The following RBBP8 variants were observed in gnomAD, a reference collection of about 807,000 sequenced individuals.
RBBP8 encodes the protein RB binding protein 8, endonuclease, also known as DNA endonuclease RBBP8.
A neutral mutation model predicts 108.3 loss-of-function variants in RBBP8; 88 were observed. That is an observed-to-expected ratio of 0.81 (90% CI 0.68 to 0.97). The LOEUF is 0.97. Among genes scored for constraint, RBBP8 ranks in the 50% least tolerant of loss-of-function variants. The probability of loss-of-function intolerance (pLI) is 0.00; values close to 1 mark genes in which losing one functional copy is unlikely to be tolerated. For synonymous variants in RBBP8, 332 were observed against 348.2 expected (o/e 0.95, Z 0.52); for missense variants, 1,023 against 1,049.0 (o/e 0.98, Z 0.34).
intron 8 of RBBP8, chr18:22,985,209 A>T (rs1399040144): frequency 4.2e-6 from 1 of 236,808 alleles, no homozygotes; most frequent in Non-Finnish European, 6.9e-6. Flanking sequence ...AATTTTAAGT[A>T]AAGAAGGCTT....
At chr18:22,945,393 A>G (rs1911464037) in intron 2 of RBBP8, among the ~76,000 whole-genome samples, 2 of 151,610 alleles carry the variant, frequency 1.3e-5, no homozygotes, top group African/African-American at 2.4e-5. Flanking sequence ...ATTTTATTTT[A>G]TTTTATTTTT....
At chr18:23,000,985 T>G (rs2045937290) in intron 14 of RBBP8, among the ~76,000 whole-genome samples, 1 of 152,234 alleles carries the variant, frequency 6.6e-6, no homozygotes, top group Non-Finnish European at 1.5e-5. Context: ...GCAACTAATA[T>G]TCTTAGAATC....
intron 4 of RBBP8, among the ~76,000 whole-genome samples, chr18:22,959,667 C>T (rs921444689): frequency 3.3e-5 from 5 of 151,752 alleles, no homozygotes; most frequent in African/African-American, 1.2e-4. Flanking sequence ...TTGACAATCA[C>T]GTACGTAATA....
In RBBP8 at chr18:22,982,215, T is replaced by C. The variant is rs1424837996; in HGVS notation, c.429-3T>C. 6.2e-7 allele frequency: 1 copy of C among 1,612,356 alleles called. No homozygotes were observed. Among genetic ancestry groups the C allele is most frequent in the Non-Finnish European group, 8.5e-7 (1 of 1,178,454 alleles). ...TTTTCTTTCCATTGTCATTCTTCTCTAGGAATGATCAACAGCATCAAGCAG... is the reference window on the plus strand; with the variant it reads ...TTTTCTTTCCATTGTCATTCTTCTCCAGGAATGATCAACAGCATCAAGCAG... On this transcript the variant is annotated splice_polypyrimidine_tract_variant and splice_region_variant and intron_variant, in intron 6 of 18. Transcript: ENST00000327155.
intron 17 of RBBP8, among the ~76,000 whole-genome samples, chr18:23,017,129 C>T (rs2046269996): frequency 6.6e-6 from 1 of 152,036 alleles, no homozygotes; most frequent in Non-Finnish European, 1.5e-5. Flanking sequence ...CCAAGGAGGG[C>T]GGATCACTTG....
intron 2 of RBBP8, among the ~76,000 whole-genome samples, chr18:22,916,556 G>A (rs1909366144): frequency 6.6e-6 from 1 of 151,834 alleles, no homozygotes; most frequent in African/African-American, 2.4e-5. Context: ...AAATTATGTT[G>A]TATAGTGTGT....
In RBBP8 at chr18:22,975,232, C is replaced by T. The variant is rs779041712; in HGVS notation, c.428+13C>T. On this transcript the variant is annotated intron_variant, in intron 6 of 18. Coordinates refer to ENST00000327155, the MANE Select transcript of RBBP8 (RefSeq NM_002894.3). ...AGCAGAAAATTGAGTAAGTATTTTC[C>T]TCCAACCTTGTTATTTTATTTTATT... 3 of 1,611,872 alleles carry T rather than the reference C, an allele frequency of 1.9e-6. No individual in the cohort carries two copies. Among genetic ancestry groups the T allele is most frequent in the South Asian group, 1.1e-5 (1 of 90,800 alleles).
chr18:22,950,601 T>C lies in RBBP8; in HGVS notation c.248+888T>C, dbSNP rs1911953212. 4.7e-5 allele frequency among the ~76,000 whole-genome samples: 7 copies of C among 149,558 alleles called. No individual in the cohort carries two copies. In the South Asian group the frequency reaches 1.5e-3, roughly 32 times the overall value. On this transcript the variant is annotated intron_variant, in intron 4 of 18. Transcript: ENST00000327155. Reference sequence around the variant, plus strand: ...AAAAAAAAAAAATACAAACCCACGATATCCCATACTTTCTTTATAGTTTTT... The same window carrying C: ...AAAAAAAAAAAATACAAACCCACGACATCCCATACTTTCTTTATAGTTTTT...
At chr18:22,937,485 C>CTT (rs781096985) in intron 2 of RBBP8, among the ~76,000 whole-genome samples, 35 of 142,548 alleles carry the variant, frequency 2.5e-4, no homozygotes, top group African/African-American at 5.7e-4. Context: ...TCAAAGATAT[C>CTT]TTTTTTTTTT....
intron 16 of RBBP8, among the ~76,000 whole-genome samples, chr18:23,016,338 A>C (rs2046255150): frequency 6.6e-6 from 1 of 151,988 alleles, no homozygotes; most frequent in Non-Finnish European, 1.5e-5. Flanking sequence ...TGAGGTTAGG[A>C]GTTCAAGACT....
chr18:22,960,701 G>A (rs762700882), intron 4 of RBBP8, among the ~76,000 whole-genome samples: 4 of 152,126 alleles, frequency 2.6e-5, no homozygotes, highest in African/African-American at 9.7e-5. Flanking sequence ...GCCTCCCAAA[G>A]TGCTAAGATT....
rs202159760 is a variant in RBBP8 at position 22,990,941 on chromosome 18, C to G, written c.812C>G (p.Thr271Ser). The change falls in exon 10 of 19, where the codon ACT (threonine) becomes AGT (serine). Residue 271 changes from threonine (T) to serine (S), a missense_variant. By Grantham distance (58) the Thr-to-Ser change is moderately conservative. Coordinates refer to ENST00000327155, the MANE Select transcript of RBBP8 (RefSeq NM_002894.3). ...CTTCATATTTTACTCTTGAAGGAAA[C>G]TCAAGGTCCCATGAGCCCCCTTGGT... ...LGLGVQEESETQGPMSPLGDE... is the reference protein window; with the variant it reads ...LGLGVQEESESQGPMSPLGDE... 2.4e-5 allele frequency: 39 copies of G among 1,610,964 alleles called. No homozygotes were observed. Among genetic ancestry groups the G allele is most frequent in the Non-Finnish European group, 3.1e-5 (36 of 1,177,292 alleles).
At chr18:22,936,447 A>C (rs990058408) in intron 1 of RBBP8, among the ~76,000 whole-genome samples, 4 of 152,198 alleles carry the variant, frequency 2.6e-5, no homozygotes, top group African/African-American at 9.7e-5. Flanking sequence ...CTGACCATGA[A>C]TGATAAAAAC....
At chr18:23,008,252 T>G (rs199814327) in intron 16 of RBBP8, among the ~76,000 whole-genome samples, 1 of 70,046 alleles carries the variant, frequency 1.4e-5, no homozygotes, top group South Asian at 4.9e-4. Flanking sequence ...GTTATTTTTT[T>G]CTTTAAGATG....
intron 2 of RBBP8, among the ~76,000 whole-genome samples, chr18:22,937,980 C>G (rs188198122): frequency 1.6e-3 from 247 of 151,666 alleles, no homozygotes; most frequent in African/African-American, 5.6e-3. Context: ...TGTGCACCAC[C>G]ACGCCCAGCT....
chr18:23,017,319 C>T (rs1027623082), intron 17 of RBBP8, among the ~76,000 whole-genome samples: 2 of 147,502 alleles, frequency 1.4e-5, no homozygotes, highest in Non-Finnish European at 3.0e-5. Context: ...TGTGCCATTG[C>T]GCTCCAGCCT....
chr18:22,915,728 T>C (rs1909330796), intron 2 of RBBP8, among the ~76,000 whole-genome samples: 1 of 152,132 alleles, frequency 6.6e-6, no homozygotes, highest in Non-Finnish European at 1.5e-5. Context: ...TATGATAATT[T>C]AAAAAATTTA....
chr18:22,979,013 G>A (rs774658104), intron 6 of RBBP8, among the ~76,000 whole-genome samples: 6 of 152,174 alleles, frequency 3.9e-5, no homozygotes, highest in Non-Finnish European at 7.4e-5. Flanking sequence ...CATGCCTGTA[G>A]TCTCAGCACT....
chr18:22,959,266 T>C (rs1370770593), intron 4 of RBBP8, among the ~76,000 whole-genome samples: 2 of 152,252 alleles, frequency 1.3e-5, no homozygotes, highest in Non-Finnish European at 2.9e-5. Flanking sequence ...AGGTTTAAAA[T>C]AGTTTTCCCT....
Sources: gnomAD v4.1 joint callset for allele counts (sites outside exome capture counted in the v4.1 genomes callset) on GRCh38, gnomAD v4.1.1 for gene constraint, MANE v1.5 for transcripts, NCBI Gene and HGNC (gene_info 2026-07-23, HGNC 2026-07-21) for gene names.